GCFC2: variants seen among roughly 807,000 people sequenced by gnomAD.
The protein encoded by GCFC2 is intron Large complex component GCFC2.
A neutral mutation model predicts 99.4 loss-of-function variants in GCFC2; 102 were observed. The observed-to-expected ratio is 1.03, with a 90% CI of 0.87 to 1.21. The LOEUF (loss-of-function observed/expected upper bound fraction) is 1.21, where lower values mean the gene tolerates loss of function less well. GCFC2 is among the 50% of genes most tolerant of loss of function. The probability of loss-of-function intolerance (pLI) is 0.00; values close to 1 mark genes in which losing one functional copy is unlikely to be tolerated. For missense variants in GCFC2, 973 were observed against 920.9 expected (o/e 1.06, Z -0.73); for synonymous variants, 338 against 316.8 (o/e 1.07, Z -0.71).
chr2:75,671,863 CT>C, intron 14 of GCFC2, 86 bp downstream of exon 14: 1 of 636,140 alleles, frequency 1.6e-6, no homozygotes, highest in Non-Finnish European at 3.0e-6. Context: ...CTATCTAATT[CT>C]TATAGAAGAA....
upstream of GCFC2, among the ~76,000 whole-genome samples, chr2:75,711,961 CGCACGG>C (rs1558760832): frequency 2.0e-5 from 3 of 152,384 alleles, no homozygotes; most frequent in East Asian, 5.8e-4. Flanking sequence ...GGAGTACGAG[CGCACGG>C]CGCCGGACTG....
intron 2 of GCFC2, among the ~76,000 whole-genome samples, chr2:75,705,102 C>T (rs1331883036): frequency 6.6e-6 from 1 of 152,176 alleles, no homozygotes; most frequent in African/African-American, 2.4e-5. Context: ...CCACTTGTGA[C>T]TAGTGGCTAC....
At chr2:75,676,640 T>C (rs955139061) in intron 12 of GCFC2, among the ~76,000 whole-genome samples, 1 of 152,220 alleles carries the variant, frequency 6.6e-6, no homozygotes, top group Non-Finnish European at 1.5e-5. Context: ...GAAACTCCCA[T>C]GTACCTGTTT....
chr2:75,699,823 C>T (rs1357944767), intron 4 of GCFC2, among the ~76,000 whole-genome samples: 2 of 152,010 alleles, frequency 1.3e-5, no homozygotes, highest in African/African-American at 2.4e-5. Flanking sequence ...GTGATCCTTC[C>T]ACCTTGGCCT....
At chr2:75,690,183 T>C (rs1489736552) in intron 8 of GCFC2, 102 bp from the exon 9 acceptor site, 4 of 684,692 alleles carry the variant, frequency 5.8e-6, no homozygotes, top group African/African-American at 1.8e-5. Context: ...TAAGTAATTT[T>C]ATCATTTATT....
At chr2:75,702,878 GTCC>G (rs1680673453) in intron 2 of GCFC2, among the ~76,000 whole-genome samples, 1 of 152,158 alleles carries the variant, frequency 6.6e-6, no homozygotes, top group Admixed American at 6.6e-5. Flanking sequence ...ACACTATGAT[GTCC>G]TCCTTCCTCC....
intron 12 of GCFC2, chr2:75,679,698 A>G (rs1338076655): frequency 2.8e-5 from 11 of 398,226 alleles, no homozygotes; most frequent in Non-Finnish European, 4.9e-5. Flanking sequence ...CAAAAGAACA[A>G]AGGTAATGAG....
In GCFC2 at chr2:75,687,933, T is replaced by C; in HGVS notation, c.1584A>G (p.Val528=). Residue 528 remains valine, a synonymous_variant, in exon 11 of 17, where the codon GTA becomes GTG. Transcript: ENST00000321027. ...CCACACTGCTATCCATAAATTCTTC[T>C]ACAGATTTGAACCATGGCATCTCTT... ...GLKEMPWFKS[V]EEFMDSSVED... 6.2e-7 allele frequency: 1 copy of C among 1,602,354 alleles called. No homozygotes were observed. Among genetic ancestry groups the C allele is most frequent in the Non-Finnish European group, 8.5e-7 (1 of 1,172,236 alleles).
chr2:75,672,837 T>G (rs192398393), intron 13 of GCFC2, among the ~76,000 whole-genome samples: 34 of 152,286 alleles, frequency 2.2e-4, no homozygotes, highest in Non-Finnish European at 4.4e-4. Context: ...GGACGTGTGC[T>G]CTTTACCACT....
intron 11 of GCFC2, among the ~76,000 whole-genome samples, chr2:75,685,657 C>A (rs924041249): frequency 6.6e-6 from 1 of 152,108 alleles, no homozygotes; most frequent in African/African-American, 2.4e-5. Flanking sequence ...TTTATATTCA[C>A]TCGCTTGGTA....
upstream of GCFC2, chr2:75,710,982 T>G (rs1049125631): frequency 1.5e-6 from 2 of 1,364,946 alleles, no homozygotes; most frequent in Non-Finnish European, 1.9e-6. Flanking sequence ...CCCGCCTGCC[T>G]TCTGCTCACC....
chr2:75,676,456 G>T (rs930143110), intron 12 of GCFC2, among the ~76,000 whole-genome samples: 2 of 148,568 alleles, frequency 1.3e-5, no homozygotes, highest in South Asian at 4.4e-4. Context: ...ATTTTAAGAT[G>T]AATATCATAC....
intron 10 of GCFC2, among the ~76,000 whole-genome samples, chr2:75,688,756 A>G (rs1679924850): frequency 6.6e-6 from 1 of 151,856 alleles, no homozygotes; most frequent in East Asian, 1.9e-4. Flanking sequence ...AGTACCTTAT[A>G]CTTTCTGGGA....
At chr2:75,709,236 C>A (rs1681006366) in intron 1 of GCFC2, among the ~76,000 whole-genome samples, 1 of 152,266 alleles carries the variant, frequency 6.6e-6, no homozygotes, top group South Asian at 2.1e-4. Context: ...TTCTAAGAGT[C>A]TAAAAGAGGT....
Position 75,702,296 on chromosome 2 carries a change from G to A in GCFC2, c.522C>T (p.Ser174=), listed in dbSNP as rs141080829. The part of the protein sequence containing the change: ...TSSISGMKRE[S]EDDPESEPDD... ...CAGGCTCACTCTCAGGGTCATCTTC[G>A]CTCTCTCTCTTCATACCAGAGATGG... The change falls in exon 3 of 17, where the codon AGC becomes AGT. Residue 174 remains serine (S), a synonymous_variant. Coordinates refer to ENST00000321027, the MANE Select transcript of GCFC2 (RefSeq NM_003203.5). 4.4e-4 allele frequency: 707 copies of A among 1,613,204 alleles called. 6 individuals are homozygous for A. The African/African-American group carries it at 7.4e-3, about 17-fold the overall frequency.
chr2:75,684,909 A>C (rs1679743809), intron 11 of GCFC2, among the ~76,000 whole-genome samples: 1 of 152,164 alleles, frequency 6.6e-6, no homozygotes, highest in Non-Finnish European at 1.5e-5. Context: ...CTTTGCAGGG[A>C]CATGGACATG....
Position 75,671,992 on chromosome 2 carries a change from A to C in GCFC2, c.1914T>G (p.Pro638=). Residue 638 remains proline, a synonymous_variant, in exon 14 of 17, where the codon CCT becomes CCG. Transcript: ENST00000321027. ...ACTGTCTTTCTTGGAACTTTGAATG[A>C]GGTGATGTTTTGTTTTCTACAGCAC... The part of the protein sequence containing the change: ...PKSAVENKTS[P]HSKFQERQFW... The C allele has an allele frequency of 6.3e-6, 10 of 1,590,590 alleles. No homozygotes were observed. The highest frequency in any genetic ancestry group is 8.6e-6 in the Non-Finnish European group (10 of 1,159,850).
chr2:75,710,951 C>T (rs1038024722), upstream of GCFC2: 1 of 1,369,164 alleles, frequency 7.3e-7, no homozygotes, highest in East Asian at 3.1e-5. Flanking sequence ...CCGCGCCTGG[C>T]CGCCGAGTGC....
At chr2:75,682,553 A>G (rs1341134813) in intron 11 of GCFC2, among the ~76,000 whole-genome samples, 1 of 151,716 alleles carries the variant, frequency 6.6e-6, no homozygotes, top group African/African-American at 2.4e-5. Context: ...AAGAATCACA[A>G]CTCATCACCA....
Sources: gnomAD v4.1 joint callset for allele counts (sites outside exome capture counted in the v4.1 genomes callset) on GRCh38, gnomAD v4.1.1 for gene constraint, MANE v1.5 for transcripts, NCBI Gene and HGNC (gene_info 2026-07-23, HGNC 2026-07-21) for gene names.